Variants in CDK5RAP2 observed in about 807,000 individuals in gnomAD.
CDK5RAP2 encodes CDK5 regulatory subunit associated protein 2.
In CDK5RAP2, 147 loss-of-function variants were observed where a neutral mutation model predicts 232.9. That is an observed-to-expected ratio of 0.63 (90% CI 0.55 to 0.72). The LOEUF (loss-of-function observed/expected upper bound fraction) is 0.72, where lower values mean the gene tolerates loss of function less well. Among genes scored for constraint, CDK5RAP2 ranks in the 30% least tolerant of loss-of-function variants. The probability of loss-of-function intolerance (pLI) is 0.00; values close to 1 mark genes in which losing one functional copy is unlikely to be tolerated. For synonymous variants in CDK5RAP2, 833 were observed against 833.7 expected, an observed-to-expected ratio of 1.00 and a Z score of 0.01; for missense variants, 2,195 against 2,231.5, an observed-to-expected ratio of 0.98 and a Z score of 0.33.
At chr9:120,436,744 T>C (rs1189977928) in intron 25 of CDK5RAP2, among the ~76,000 whole-genome samples, 1 of 152,090 alleles carries the variant, frequency 6.6e-6, no homozygotes, top group Non-Finnish European at 1.5e-5. Flanking sequence ...GCACAGTAAA[T>C]GGGAGTTCTT....
Position 120,491,434 on chromosome 9 carries a change from T to C in CDK5RAP2, c.1355A>G (p.Glu452Gly). The change falls in exon 13 of 38, where the codon GAA (glutamate) becomes GGA (glycine). Residue 452 changes from glutamate (E) to glycine (G), a missense_variant. Physicochemically the swap from Glu to Gly is moderately conservative, Grantham distance 98. Coordinates refer to ENST00000349780, the MANE Select transcript of CDK5RAP2 (RefSeq NM_018249.6). ...ACGATTTTCCATTGCTTTCTCTCTTTCATTCACTTCATTGCGTAATTTTTC... is the reference window on the plus strand; with the variant it reads ...ACGATTTTCCATTGCTTTCTCTCTTCCATTCACTTCATTGCGTAATTTTTC... ...EVEKLRNEVN[E>G]REKAMENRYK... is the part of the protein sequence containing the mutation. The C allele has an allele frequency of 6.2e-7, 1 of 1,612,046 alleles. No individual in the cohort carries two copies. The highest frequency in any genetic ancestry group is 1.1e-5 in the South Asian group (1 of 91,018).
At chr9:120,575,110 G>A (rs1452360939) in intron 1 of CDK5RAP2, among the ~76,000 whole-genome samples, 4 of 152,096 alleles carry the variant, frequency 2.6e-5, no homozygotes, top group Non-Finnish European at 5.9e-5. Flanking sequence ...GGAGTGCAGT[G>A]GCGTGATCTC....
intron 21 of CDK5RAP2, among the ~76,000 whole-genome samples, chr9:120,449,623 A>G (rs1390082728): frequency 1.3e-5 from 2 of 152,228 alleles, no homozygotes; most frequent in Non-Finnish European, 2.9e-5. Context: ...AAAAGCTGGG[A>G]AGAGGGACTT....
At chr9:120,529,646 G>A (rs1360685902) in intron 8 of CDK5RAP2, among the ~76,000 whole-genome samples, 2 of 152,190 alleles carry the variant, frequency 1.3e-5, no homozygotes, top group African/African-American at 2.4e-5. Flanking sequence ...AAGGCAAGAT[G>A]GAAAACAATG....
Position 120,528,957 on chromosome 9 carries a change from G to A in CDK5RAP2, c.826-160C>T, listed in dbSNP as rs557364677. 29 of 654,196 alleles carry A rather than the reference G, an allele frequency of 4.4e-5. No homozygotes were observed. The African/African-American group carries it at 5.2e-4, about 12-fold the overall frequency. 40.5% of individuals were successfully genotyped at this position (654,196 alleles called of 1,614,324 possible). ...CCTCCCTCTCTCCACCCCACCCAAA[G>A]CCCTGCCTGATTTGAATGAAGAAAA... On this transcript the variant is annotated intron_variant, in intron 8 of 37. Transcript: ENST00000349780.
intron 26 of CDK5RAP2, among the ~76,000 whole-genome samples, chr9:120,421,176 T>C (rs1368309605): frequency 6.6e-6 from 1 of 152,178 alleles, no homozygotes; most frequent in Non-Finnish European, 1.5e-5. Context: ...TGACCCTCTA[T>C]GTGCCAGCTA....
intron 21 of CDK5RAP2, among the ~76,000 whole-genome samples, chr9:120,451,393 T>A (rs1423408418): frequency 6.6e-6 from 1 of 152,220 alleles, no homozygotes; most frequent in Non-Finnish European, 1.5e-5. Context: ...AAGTCCATCC[T>A]CTTGTCTGTA....
intron 12 of CDK5RAP2, among the ~76,000 whole-genome samples, chr9:120,513,828 C>G (rs560120223): frequency 9.2e-5 from 14 of 152,202 alleles, no homozygotes; most frequent in Non-Finnish European, 1.6e-4. Flanking sequence ...CTGTCTGTTT[C>G]AATCCAAAAG....
At chr9:120,551,081 T>C (rs1343045568) in intron 3 of CDK5RAP2, among the ~76,000 whole-genome samples, 179 bp from the exon 4 acceptor site, 7 of 152,192 alleles carry the variant, frequency 4.6e-5, no homozygotes. Flanking sequence ...TGGTTCCCAC[T>C]AGCCAAAGTT....
chr9:120,407,278 C>T (rs1185735601), intron 31 of CDK5RAP2, 30 bp from the exon 32 acceptor site: 1 of 1,530,968 alleles, frequency 6.5e-7, no homozygotes, highest in African/African-American at 1.4e-5. Context: ...GAAGCCCTGA[C>T]ATCTTCCACA....
chr9:120,496,720 C>T (rs1243193497), intron 12 of CDK5RAP2, among the ~76,000 whole-genome samples: 1 of 129,374 alleles, frequency 7.7e-6, no homozygotes, highest in Non-Finnish European at 1.6e-5. Flanking sequence ...CCAGCCGCCC[C>T]GTTCGGGAGG....
chr9:120,476,388 C>T, intron 15 of CDK5RAP2, among the ~76,000 whole-genome samples: 1 of 152,044 alleles, frequency 6.6e-6, no homozygotes, highest in Admixed American at 6.6e-5. Context: ...CAGCTGTACC[C>T]ATCCCACTGT....
chr9:120,573,974 G>A (rs1379797666), intron 1 of CDK5RAP2, among the ~76,000 whole-genome samples: 1 of 152,136 alleles, frequency 6.6e-6, no homozygotes, highest in Non-Finnish European at 1.5e-5. Flanking sequence ...TTCTCAATCT[G>A]GGGTTCTCTC....
chr9:120,512,489 CAAAA>C (rs2040140538), intron 12 of CDK5RAP2, among the ~76,000 whole-genome samples: 1 of 152,136 alleles, frequency 6.6e-6, no homozygotes, highest in Non-Finnish European at 1.5e-5. Context: ...TTCTGAAACA[CAAAA>C]AGGAACAAAT....
chr9:120,557,577 G>A (rs4837780), intron 3 of CDK5RAP2, among the ~76,000 whole-genome samples: 126,398 of 151,820 alleles, frequency 0.83, 53,982 homozygotes, highest in Non-Finnish European at 0.93. Context: ...ACAACATGGC[G>A]AAACCACTTC....
At chr9:120,496,428 T>G (rs1480760652) in intron 12 of CDK5RAP2, among the ~76,000 whole-genome samples, 2 of 87,910 alleles carry the variant, frequency 2.3e-5, no homozygotes. Flanking sequence ...GTCCGGGAGG[T>G]GAGGGGCGCC....
In CDK5RAP2 at chr9:120,580,124, C is replaced by A. The variant is rs2043192053; in HGVS notation, c.-146G>T. The A allele has an allele frequency of 1.7e-6, 1 of 587,338 alleles. No homozygotes were observed. The highest frequency in any genetic ancestry group is 3.0e-5 in the East Asian group (1 of 33,536). 36.4% of individuals were successfully genotyped at this position (587,338 alleles called of 1,614,324 possible). Reference sequence around the variant, plus strand: ...TCTGGCGGCGCCGCTGGAATTCAAACCACAGACGCCGCCATCTTTCCCGGC... The same window carrying A: ...TCTGGCGGCGCCGCTGGAATTCAAAACACAGACGCCGCCATCTTTCCCGGC... On this transcript the variant is annotated 5_prime_UTR_variant, in exon 1 of 38. Coordinates refer to ENST00000349780, the MANE Select transcript of CDK5RAP2 (RefSeq NM_018249.6).
At chr9:120,438,072 C>A (rs2035690119) in intron 24 of CDK5RAP2, among the ~76,000 whole-genome samples, 1 of 152,100 alleles carries the variant, frequency 6.6e-6, no homozygotes, top group South Asian at 2.1e-4. Context: ...TATAAATGTC[C>A]CCTTTTACAG....
At position 120,416,230 on chromosome 9, in the gene CDK5RAP2, C is replaced by T. The variant is rs2034210487; in HGVS notation, c.4178-1071G>A. 2.0e-5 allele frequency among the ~76,000 whole-genome samples: 3 copies of T among 152,170 alleles called. No individual in the cohort carries two copies. The South Asian group carries it at 6.2e-4, about 32-fold the overall frequency. On this transcript the variant is annotated intron_variant, in intron 27 of 37. Transcript: ENST00000349780. ...AGGCTCAGTCCCAAGACTGCCCCTC[C>T]AACAACTTCTGAGGCCAATCGCAAG... is the stretch of plus-strand genomic sequence containing the variant.
Sources: allele counts gnomAD v4.1 joint callset (sites outside exome capture counted in the v4.1 genomes callset), GRCh38; gene constraint gnomAD v4.1.1; transcripts MANE v1.5; gene names NCBI Gene and HGNC (gene_info 2026-07-23, HGNC 2026-07-21).